The following CSMD1 variants were observed in gnomAD, a reference collection of about 807,000 sequenced individuals.
The protein encoded by CSMD1 is CUB and sushi domain-containing protein 1.
A neutral mutation model predicts 417.5 loss-of-function variants in CSMD1; 213 were observed. The ratio of observed to expected loss-of-function variants is 0.51; its 90% CI spans 0.46 to 0.57. The LOEUF (loss-of-function observed/expected upper bound fraction) is 0.57. Among genes scored for constraint, CSMD1 ranks in the 20% least tolerant of loss-of-function variants. The pLI is 0.00. For synonymous variants in CSMD1, 2,862 were observed against 1,736.8 expected, an observed-to-expected ratio of 1.65 and a Z score of -16.11; for missense variants, 6,923 against 4,529.7, an observed-to-expected ratio of 1.53 and a Z score of -15.17.
intron 10 of CSMD1, among the ~76,000 whole-genome samples, chr8:3,574,707 T>C (rs1800074851): frequency 6.6e-6 from 1 of 152,184 alleles, no homozygotes; most frequent in Admixed American, 6.5e-5. Context: ...AAAGGAGGAA[T>C]GTAGACTTTC....
intron 1 of CSMD1, among the ~76,000 whole-genome samples, chr8:4,941,960 G>A (rs1404754929): frequency 1.3e-5 from 2 of 152,122 alleles, no homozygotes. Context: ...GCTTCTTCCA[G>A]TGAGTATGTG....
rs1348909587 is a variant in CSMD1 at position 4,537,729 on chromosome 8, C to T, written c.302+99613G>A. Among the ~76,000 whole-genome samples the T allele has an allele frequency of 2.6e-5, 4 of 152,114 alleles. No homozygotes were observed. The East Asian group carries it at 5.8e-4, about 22-fold the overall frequency. Reference sequence around the variant, plus strand: ...AAAGCATGGCTTCCCCCAGCGAAGCCACGGGAATACGCAGTGGAAGACCTA... The same window carrying T: ...AAAGCATGGCTTCCCCCAGCGAAGCTACGGGAATACGCAGTGGAAGACCTA... On this transcript the variant is annotated intron_variant, in intron 2 of 69. Transcript: ENST00000635120.
chr8:4,515,840 G>C (rs943291005), intron 2 of CSMD1, among the ~76,000 whole-genome samples: 13 of 152,144 alleles, frequency 8.5e-5, no homozygotes, highest in African/African-American at 1.9e-4. Flanking sequence ...TGCAGGCTGA[G>C]AGCTTTAGCT....
At chr8:4,555,177 T>G (rs1054056266) in intron 2 of CSMD1, among the ~76,000 whole-genome samples, 2 of 152,148 alleles carry the variant, frequency 1.3e-5, no homozygotes, top group Non-Finnish European at 2.9e-5. Context: ...CATTCTGACT[T>G]CAGATGGCAG....
chr8:4,459,579 T>C (rs887513952), intron 2 of CSMD1, among the ~76,000 whole-genome samples: 1 of 152,214 alleles, frequency 6.6e-6, no homozygotes, highest in Admixed American at 6.5e-5. Flanking sequence ...ATCCATGGAA[T>C]GGCTAGTCTA....
At chr8:3,785,350 C>A (rs1189973525) in intron 5 of CSMD1, among the ~76,000 whole-genome samples, 2 of 152,182 alleles carry the variant, frequency 1.3e-5, no homozygotes, top group South Asian at 2.1e-4. Context: ...CCTCAGTCAG[C>A]AGTGGAACCA....
At chr8:3,248,810 C>A (rs1189920160) in intron 26 of CSMD1, among the ~76,000 whole-genome samples, 2 of 152,034 alleles carry the variant, frequency 1.3e-5, no homozygotes, top group Non-Finnish European at 2.9e-5. Flanking sequence ...TTCTCTTGTT[C>A]ACTTGGCTAA....
chr8:3,718,565 A>G (rs1801969550), intron 6 of CSMD1, among the ~76,000 whole-genome samples: 1 of 152,192 alleles, frequency 6.6e-6, no homozygotes, highest in African/African-American at 2.4e-5. Flanking sequence ...AATGTCGCTT[A>G]ATAGCAGCAC....
At chr8:4,146,905 A>AC (rs528564888) in intron 3 of CSMD1, among the ~76,000 whole-genome samples, 2 of 144,314 alleles carry the variant, frequency 1.4e-5, no homozygotes, top group East Asian at 3.9e-4. Context: ...GAGCCACCGC[A>AC]CCGGCCAGAC....
At chr8:4,261,360 T>C (rs950542238) in intron 3 of CSMD1, among the ~76,000 whole-genome samples, 3 of 152,132 alleles carry the variant, frequency 2.0e-5, no homozygotes, top group African/African-American at 7.2e-5. Flanking sequence ...TAAGAACATC[T>C]TCTCAGAAAT....
intron 5 of CSMD1, among the ~76,000 whole-genome samples, chr8:3,785,681 G>T (rs566100137): frequency 1.3e-5 from 2 of 152,272 alleles, no homozygotes; most frequent in East Asian, 3.9e-4. Context: ...GTGAGTGTGG[G>T]CTGTGTGCAT....
intron 12 of CSMD1, among the ~76,000 whole-genome samples, chr8:3,459,211 C>A (rs532270336): frequency 6.6e-6 from 1 of 152,252 alleles, no homozygotes; most frequent in South Asian, 2.1e-4. Context: ...GTGGCTGCAC[C>A]GTGGTGGGGC....
chr8:3,307,707 C>G lies in CSMD1; in HGVS notation c.3938G>C (p.Gly1313Ala). The G allele has an allele frequency of 6.2e-7, 1 of 1,613,416 alleles. No homozygotes were observed. The highest frequency in any genetic ancestry group is 8.5e-7 in the Non-Finnish European group (1 of 1,179,588). ...ATAAAACAAGTACCTAATGGTCTTT[C>G]CTGGGTCTGCCTCTATAATCCAGGT... ...HCTWIIEADP[G>A]KTISLHFIVF... is the part of the protein sequence containing the mutation. The change falls in exon 25 of 70, where the codon GGA (glycine) becomes GCA (alanine). Residue 1313 changes from glycine (G) to alanine (A), a missense_variant. By Grantham distance (60) the Gly-to-Ala change is moderately conservative. Transcript: ENST00000635120.
intron 17 of CSMD1, among the ~76,000 whole-genome samples, chr8:3,389,350 A>C (rs1811208055): frequency 6.6e-6 from 1 of 152,084 alleles, no homozygotes; most frequent in African/African-American, 2.4e-5. Flanking sequence ...TCCCACTTAT[A>C]AGTGAGAACA....
At chr8:3,374,666 A>G (rs1356572306) in intron 18 of CSMD1, among the ~76,000 whole-genome samples, 1 of 152,130 alleles carries the variant, frequency 6.6e-6, no homozygotes, top group Non-Finnish European at 1.5e-5. Context: ...GAGGAAATGC[A>G]GAAGATCAGA....
chr8:4,830,537 A>G (rs549509716), intron 1 of CSMD1, among the ~76,000 whole-genome samples: 4 of 152,356 alleles, frequency 2.6e-5, no homozygotes, highest in East Asian at 1.9e-4. Context: ...AGGAGATTGC[A>G]GTTTGTGTGT....
intron 5 of CSMD1, among the ~76,000 whole-genome samples, chr8:3,953,051 T>A (rs2740858): frequency 0.75 from 113,369 of 151,894 alleles, 42,798 homozygotes; most frequent in African/African-American, 0.85. Flanking sequence ...TTATAATCAA[T>A]GAAAAGAACA....
chr8:3,507,477 G>T (rs941619487), intron 10 of CSMD1, among the ~76,000 whole-genome samples: 2 of 152,180 alleles, frequency 1.3e-5, no homozygotes, highest in African/African-American at 4.8e-5. Flanking sequence ...GTGTGCATGT[G>T]TCTTTATAGC....
intron 8 of CSMD1, among the ~76,000 whole-genome samples, chr8:3,614,734 T>C (rs901353553): frequency 2.0e-5 from 3 of 152,190 alleles, no homozygotes; most frequent in African/African-American, 7.2e-5. Context: ...ATACACAAAG[T>C]ATATATCACA....
Sources: gnomAD v4.1 joint callset for allele counts (sites outside exome capture counted in the v4.1 genomes callset) on GRCh38, gnomAD v4.1.1 for gene constraint, MANE v1.5 for transcripts, NCBI Gene and HGNC (gene_info 2026-07-23, HGNC 2026-07-21) for gene names.